CADM2: variants seen among roughly 807,000 people sequenced by gnomAD.
CADM2 encodes the protein immunoglobulin superfamily member 4D.
A neutral mutation model predicts 49.8 loss-of-function variants in CADM2; 12 were observed. The observed-to-expected ratio is 0.24, with a 90% CI of 0.15 to 0.39. The LOEUF (loss-of-function observed/expected upper bound fraction) is 0.39. Ranked by LOEUF, CADM2 falls within the 10% of genes least tolerant of loss-of-function variation. The probability of loss-of-function intolerance (pLI) is 1.00; values close to 1 mark genes in which losing one functional copy is unlikely to be tolerated. For synonymous variants in CADM2, 214 were observed against 175.4 expected (o/e 1.22, Z -1.74); for missense variants, 378 against 492.3 (o/e 0.77, Z 2.20).
intron 1 of CADM2, among the ~76,000 whole-genome samples, chr3:85,657,554 T>G (rs2065239585): frequency 6.6e-6 from 1 of 151,582 alleles, no homozygotes; most frequent in Non-Finnish European, 1.5e-5. Flanking sequence ...ATTGGCTTTA[T>G]TATGTGGACT....
intron 1 of CADM2, among the ~76,000 whole-genome samples, chr3:85,209,894 C>A (rs2107765286): frequency 6.6e-6 from 1 of 152,136 alleles, no homozygotes; most frequent in Middle Eastern, 3.4e-3. Flanking sequence ...ACATAAAACT[C>A]AAAATAGCAG....
rs372928418 is a variant in CADM2 at position 85,932,286 on chromosome 3, G to A, written c.701-3481G>A. On this transcript the variant is annotated intron_variant, in intron 6 of 9. Transcript: ENST00000383699. ...AAATAGAGCTCTCTGAAGGAGAAAC[G>A]TTGGGGAAAGATTGGAGACTGAGTT... Among the ~76,000 whole-genome samples the A allele has an allele frequency of 7.2e-5, 11 of 152,236 alleles. No individual in the cohort carries two copies. In the East Asian group the frequency reaches 1.4e-3, roughly 19 times the overall value.
intron 1 of CADM2, 86 bp from the exon 2 acceptor site, chr3:85,726,436 A>G (rs1487985184): frequency 7.1e-7 from 1 of 1,398,674 alleles, no homozygotes; most frequent in Non-Finnish European, 1.0e-6. Context: ...CTTTAATAGC[A>G]ATAACATCTC....
chr3:84,986,695 T>C (rs1181556889), intron 1 of CADM2, among the ~76,000 whole-genome samples: 1 of 151,658 alleles, frequency 6.6e-6, no homozygotes, highest in Non-Finnish European at 1.5e-5. Flanking sequence ...ATGGCACATG[T>C]ATACATATGT....
chr3:85,909,234 G>A (rs4600827), intron 5 of CADM2, among the ~76,000 whole-genome samples: 48,522 of 151,774 alleles, frequency 0.32, 8,938 homozygotes, highest in East Asian at 0.42. Context: ...CTATTTAAAT[G>A]TCCAGAAGGT....
intron 1 of CADM2, among the ~76,000 whole-genome samples, chr3:85,355,475 A>C (rs1462887916): frequency 6.6e-6 from 1 of 152,040 alleles, no homozygotes; most frequent in Non-Finnish European, 1.5e-5. Flanking sequence ...GCTGTGAAAT[A>C]AATTGGACTA....
At chr3:85,135,745 A>G (rs1302943641) in intron 1 of CADM2, among the ~76,000 whole-genome samples, 1 of 152,070 alleles carries the variant, frequency 6.6e-6, no homozygotes, top group Non-Finnish European at 1.5e-5. Context: ...TTATTTCAAT[A>G]CACAAACATT....
intron 1 of CADM2, among the ~76,000 whole-genome samples, chr3:85,641,162 CT>C (rs1302854490): frequency 1.3e-5 from 2 of 152,126 alleles, no homozygotes; most frequent in Admixed American, 1.3e-4. Context: ...GTTTCAGCCT[CT>C]AACATTGAGT....
At chr3:85,946,378 C>T (rs1456173331) in intron 7 of CADM2, among the ~76,000 whole-genome samples, 2 of 151,696 alleles carry the variant, frequency 1.3e-5, no homozygotes, top group Non-Finnish European at 1.5e-5. Context: ...AGATTCAATG[C>T]CATCCCCATC....
chr3:85,662,233 GT>G (rs5850709), intron 1 of CADM2, among the ~76,000 whole-genome samples: 2,231 of 137,194 alleles, frequency 0.016, 19 homozygotes, highest in East Asian at 0.038. Context: ...GTATAGGTGG[GT>G]TTTTTTTTTT....
chr3:85,278,397 C>T (rs1323150469), intron 1 of CADM2, among the ~76,000 whole-genome samples: 2 of 151,300 alleles, frequency 1.3e-5, no homozygotes, highest in East Asian at 3.9e-4. Flanking sequence ...TTCTGAAGTA[C>T]AACTCAGGAC....
At chr3:86,052,617 A>G (rs1266160789) in intron 8 of CADM2, among the ~76,000 whole-genome samples, 1 of 152,120 alleles carries the variant, frequency 6.6e-6, no homozygotes. Context: ...ATTATACTTC[A>G]TATTAACTTG....
intron 1 of CADM2, among the ~76,000 whole-genome samples, chr3:85,574,626 A>G (rs2062577130): frequency 1.3e-5 from 2 of 152,254 alleles, no homozygotes; most frequent in Non-Finnish European, 2.9e-5. Context: ...TTTTAGAAGT[A>G]TAGAAATGTT....
chr3:85,920,437 A>C (rs989932160), intron 6 of CADM2, among the ~76,000 whole-genome samples: 1 of 151,884 alleles, frequency 6.6e-6, no homozygotes, highest in African/African-American at 2.4e-5. Context: ...AAGATATTTC[A>C]AAAAGCTACT....
chr3:85,076,429 C>T (rs2036946780), intron 1 of CADM2, among the ~76,000 whole-genome samples: 2 of 151,622 alleles, frequency 1.3e-5, no homozygotes, highest in Admixed American at 6.6e-5. Flanking sequence ...CTCACGGCAA[C>T]CTCCGCCTCC....
At chr3:86,066,538 G>A (rs775614694) in intron 9 of CADM2, 127 bp from the exon 10 acceptor site, 52 of 687,944 alleles carry the variant, frequency 7.6e-5, no homozygotes, top group Non-Finnish European at 1.3e-4. Flanking sequence ...AACTTTAGAA[G>A]AGTCAATCGG....
chr3:85,823,315 T>C (rs1331007906), intron 3 of CADM2, among the ~76,000 whole-genome samples: 1 of 152,174 alleles, frequency 6.6e-6, no homozygotes, highest in Non-Finnish European at 1.5e-5. Flanking sequence ...TAGCTGATAC[T>C]TCTATTGTGC....
intron 1 of CADM2, among the ~76,000 whole-genome samples, chr3:85,250,291 A>T (rs954678808): frequency 1.3e-5 from 2 of 151,722 alleles, no homozygotes; most frequent in East Asian, 3.8e-4. Context: ...CTCTTAATAT[A>T]TATAGGTATC....
At chr3:85,177,694 T>TA (rs1021228237) in intron 1 of CADM2, among the ~76,000 whole-genome samples, 46 of 151,900 alleles carry the variant, frequency 3.0e-4, no homozygotes, top group African/African-American at 1.1e-3. Flanking sequence ...ATATGCTACT[T>TA]ACAGTAAAAT....
Sources: allele counts gnomAD v4.1 joint callset (sites outside exome capture counted in the v4.1 genomes callset), GRCh38; gene constraint gnomAD v4.1.1; transcripts MANE v1.5; gene names NCBI Gene and HGNC (gene_info 2026-07-23, HGNC 2026-07-21).